ACVR1: variants seen among roughly 807,000 people sequenced by gnomAD.
ACVR1 encodes activin receptor type-1.
In ACVR1, 38 loss-of-function variants were observed where a neutral mutation model predicts 57.1. The observed-to-expected ratio is 0.67, with a 90% CI of 0.51 to 0.87. The LOEUF (loss-of-function observed/expected upper bound fraction) is 0.87, where lower values mean the gene tolerates loss of function less well. Ranked by LOEUF, ACVR1 falls within the 40% of genes least tolerant of loss-of-function variation. The pLI, the probability that ACVR1 is intolerant of heterozygous loss-of-function variation, is 0.00. For synonymous variants in ACVR1, 212 were observed against 228.1 expected, an observed-to-expected ratio of 0.93 and a Z score of 0.63; for missense variants, 463 against 638.2, an observed-to-expected ratio of 0.73 and a Z score of 2.96.
At chr2:157,850,917 A>T (rs1007411215) in intron 1 of ACVR1, among the ~76,000 whole-genome samples, 7 of 152,330 alleles carry the variant, frequency 4.6e-5, no homozygotes, top group Middle Eastern at 3.4e-3. Flanking sequence ...AGATCGCGCC[A>T]CTGCACTCCA....
intron 1 of ACVR1, among the ~76,000 whole-genome samples, chr2:157,818,958 G>A (rs1393260103): frequency 6.7e-6 from 1 of 148,838 alleles, no homozygotes; most frequent in African/African-American, 2.5e-5. Context: ...GGCGCCTGTA[G>A]TCCCAGCTAC....
At chr2:157,816,739 C>G (rs1464387464) in intron 2 of ACVR1, among the ~76,000 whole-genome samples, 1 of 152,162 alleles carries the variant, frequency 6.6e-6, no homozygotes, top group Non-Finnish European at 1.5e-5. Context: ...CAGACCAACC[C>G]TGGCAGAATT....
chr2:157,832,032 T>C, intron 1 of ACVR1, among the ~76,000 whole-genome samples: 1 of 152,230 alleles, frequency 6.6e-6, no homozygotes, highest in Non-Finnish European at 1.5e-5. Flanking sequence ...TGGGCTGTAC[T>C]CCTGGACCTA....
At chr2:157,780,652 A>C in intron 3 of ACVR1, 52 bp from the exon 4 acceptor site, 2 of 1,597,726 alleles carry the variant, frequency 1.3e-6, no homozygotes, top group Non-Finnish European at 1.7e-6. Context: ...GAATTACCGT[A>C]TGAGTTTCAC....
intron 9 of ACVR1, among the ~76,000 whole-genome samples, chr2:157,743,423 G>T (rs761216379): frequency 4.0e-5 from 6 of 151,758 alleles, no homozygotes; most frequent in Non-Finnish European, 8.8e-5. Context: ...CTTTAAATCG[G>T]ATATTCTGGG....
chr2:157,828,204 T>C (rs1224952416), intron 1 of ACVR1, among the ~76,000 whole-genome samples: 1 of 151,994 alleles, frequency 6.6e-6, no homozygotes, highest in Non-Finnish European at 1.5e-5. Flanking sequence ...TCCCAGCATT[T>C]TGGGAGGTCC....
rs1686002717 is a variant in ACVR1 at position 157,769,685 on chromosome 2, CTT to C, written c.790+681_790+682del. On this transcript the variant is annotated intron_variant, in intron 7 of 10. Transcript: ENST00000434821. ...TATACAGAGTTAAATTCTATATAAA[CTT>C]TATATCCACTATTGAAGAAGCACTC... 2.0e-5 allele frequency among the ~76,000 whole-genome samples: 3 copies of C among 152,174 alleles called. No individual in the cohort carries two copies. In the East Asian group the frequency reaches 5.8e-4, roughly 29 times the overall value.
rs1684579125 is a variant in ACVR1 at position 157,737,523 on chromosome 2, T to C, written c.*8A>G. 1 of 1,613,988 alleles carries C rather than the reference T, an allele frequency of 6.2e-7. No individual in the cohort carries two copies. The highest frequency in any genetic ancestry group is 8.5e-7 in the Non-Finnish European group (1 of 1,179,940). On this transcript the variant is annotated 3_prime_UTR_variant, in exon 11 of 11. Transcript: ENST00000434821. ...CGTCAAATCTTCCTTCTTGACACTA[T>C]GAAAATGTCAACAGTCAGTTTTCAA...
At chr2:157,741,822 A>G (rs1023145481) in intron 9 of ACVR1, among the ~76,000 whole-genome samples, 3 of 152,104 alleles carry the variant, frequency 2.0e-5, no homozygotes, top group African/African-American at 2.4e-5. Context: ...ACAAGTCCCC[A>G]TATATAAACT....
intron 3 of ACVR1, among the ~76,000 whole-genome samples, chr2:157,783,254 A>G (rs1312223276): frequency 6.6e-6 from 1 of 152,218 alleles, no homozygotes; most frequent in African/African-American, 2.4e-5. Context: ...GTTCCATCCC[A>G]AACTAAATTC....
At chr2:157,795,295 C>T (rs1687064952) in intron 3 of ACVR1, among the ~76,000 whole-genome samples, 1 of 151,586 alleles carries the variant, frequency 6.6e-6, no homozygotes, top group East Asian at 1.9e-4. Context: ...GTTGAGGATA[C>T]TAGAGTGTAT....
intron 5 of ACVR1, 68 bp from the exon 6 acceptor site, chr2:157,774,255 T>C: frequency 1.6e-6 from 2 of 1,257,826 alleles, no homozygotes; most frequent in Non-Finnish European, 2.3e-6. Flanking sequence ...AGTATTAGCA[T>C]GCATGACATT....
chr2:157,859,554 T>C (rs1359561007), intron 1 of ACVR1, among the ~76,000 whole-genome samples: 3 of 152,168 alleles, frequency 2.0e-5, no homozygotes, highest in African/African-American at 4.8e-5. Context: ...GGGGTCTGGA[T>C]TGGGACCCCT....
intron 8 of ACVR1, among the ~76,000 whole-genome samples, chr2:157,765,567 G>C (rs1559044196): frequency 6.6e-6 from 1 of 151,914 alleles, no homozygotes; most frequent in African/African-American, 2.4e-5. Flanking sequence ...AATTTTACCT[G>C]AAAAAAAGAA....
chr2:157,778,129 A>C lies in ACVR1; in HGVS notation c.543+2T>G. 1.2e-6 allele frequency: 2 copies of C among 1,613,318 alleles called. No homozygotes were observed. Among genetic ancestry groups the C allele is most frequent in the Non-Finnish European group, 1.7e-6 (2 of 1,179,690 alleles). ...GGGATTTCCTGTGGGGTCATGACTTACTGCTAAAGTGCTGTCTCCAACATT... is the reference window on the plus strand; with the variant it reads ...GGGATTTCCTGTGGGGTCATGACTTCCTGCTAAAGTGCTGTCTCCAACATT... On this transcript the variant is annotated splice_donor_variant, in intron 5 of 10. Transcript: ENST00000434821. LOFTEE classifies it high-confidence loss of function.
intron 9 of ACVR1, among the ~76,000 whole-genome samples, chr2:157,760,500 C>T (rs1479774996): frequency 1.8e-4 from 27 of 152,120 alleles, no homozygotes; most frequent in Admixed American, 1.6e-3. Context: ...GGGTGATGTA[C>T]AGCCTAAATG....
intron 3 of ACVR1, among the ~76,000 whole-genome samples, chr2:157,783,273 C>G (rs1214728520): frequency 6.6e-6 from 1 of 152,216 alleles, no homozygotes; most frequent in Non-Finnish European, 1.5e-5. Context: ...TCTAAGTACA[C>G]AGATGCAGGA....
At chr2:157,760,186 A>T (rs968180310) in intron 9 of ACVR1, among the ~76,000 whole-genome samples, 1 of 152,202 alleles carries the variant, frequency 6.6e-6, no homozygotes, top group African/African-American at 2.4e-5. Context: ...ATAATCTTTT[A>T]TCTAGAAAGA....
At chr2:157,825,976 A>G (rs980100621) in intron 1 of ACVR1, among the ~76,000 whole-genome samples, 2 of 152,176 alleles carry the variant, frequency 1.3e-5, no homozygotes, top group Non-Finnish European at 2.9e-5. Flanking sequence ...ACCCCATTGC[A>G]GCAGCACTCC....
Sources: allele counts gnomAD v4.1 joint callset (sites outside exome capture counted in the v4.1 genomes callset), GRCh38; gene constraint gnomAD v4.1.1; transcripts MANE v1.5; gene names NCBI Gene and HGNC (gene_info 2026-07-23, HGNC 2026-07-21).